SAP130: variants seen among roughly 807,000 people sequenced by gnomAD.
SAP130 encodes histone deacetylase complex subunit SAP130.
In SAP130, 16 loss-of-function variants were observed where a neutral mutation model predicts 103.2. The ratio of observed to expected loss-of-function variants is 0.16; its 90% confidence interval spans 0.10 to 0.24. The LOEUF (loss-of-function observed/expected upper bound fraction) is 0.24. SAP130 is among the 10% of genes least tolerant of loss of function. The pLI, the probability that SAP130 is intolerant of heterozygous loss-of-function variation, is 1.00. For synonymous variants in SAP130, 477 were observed against 497.0 expected, an observed-to-expected ratio of 0.96 and a Z score of 0.53; for missense variants, 990 against 1,359.7, an observed-to-expected ratio of 0.73 and a Z score of 4.28.
rs370429821 is a variant in SAP130 at position 128,014,770 on chromosome 2, T to C, written c.619+33A>G. Reference sequence around the variant, plus strand: ...CCAAATGTATATCTACTACTACATTTTGAGAGTTTGAACAAAACTTGCAAG... The same window carrying C: ...CCAAATGTATATCTACTACTACATTCTGAGAGTTTGAACAAAACTTGCAAG... On this transcript the variant is annotated intron_variant, in intron 5 of 20. Coordinates refer to ENST00000643581, the MANE Select transcript of SAP130 (RefSeq NM_001330301.2). The C allele has an allele frequency of 4.8e-6, 7 of 1,455,516 alleles. No homozygotes were observed. In the African/African-American group the frequency reaches 9.8e-5, roughly 20 times the overall value. The allele number at this position is 1,455,516 out of a possible 1,614,324, so 90.2% of individuals were successfully genotyped here. A position where few individuals can be genotyped will look rare whatever the true frequency, so the allele number is the denominator to read the frequency against.
intron 14 of SAP130, among the ~76,000 whole-genome samples, chr2:127,984,396 T>C (rs1682221483): frequency 6.6e-6 from 1 of 152,256 alleles, no homozygotes; most frequent in Non-Finnish European, 1.5e-5. Context: ...GTTTCTGTCT[T>C]CCACCGTTAG....
chr2:127,959,479 T>C (rs1314331503), intron 15 of SAP130, among the ~76,000 whole-genome samples: 2 of 152,218 alleles, frequency 1.3e-5, no homozygotes, highest in South Asian at 2.1e-4. Flanking sequence ...CCCATCCCAC[T>C]ACTCATGTGG....
At chr2:127,957,511 C>CA (rs898140717) in intron 15 of SAP130, among the ~76,000 whole-genome samples, 4 of 151,944 alleles carry the variant, frequency 2.6e-5, no homozygotes, top group Admixed American at 2.6e-4. Context: ...CCCAAAACTA[C>CA]AAAAACAGAA....
Position 128,013,019 on chromosome 2 carries a change from C to A in SAP130, c.744+11G>T, listed in dbSNP as rs760852495. 5 of 1,602,182 alleles carry A rather than the reference C, an allele frequency of 3.1e-6. No homozygotes were observed. Among genetic ancestry groups the A allele is most frequent in the South Asian group, 2.2e-5 (2 of 89,376 alleles). Reference sequence around the variant, plus strand: ...AATGAGGCCCTTAATGCACCCCAGGCTCCGACGTGCCTGGATTGGTTGGTG... The same window carrying A: ...AATGAGGCCCTTAATGCACCCCAGGATCCGACGTGCCTGGATTGGTTGGTG... On this transcript the variant is annotated intron_variant, in intron 6 of 20. Transcript: ENST00000643581.
intron 7 of SAP130, among the ~76,000 whole-genome samples, chr2:128,005,721 A>T (rs1683922294): frequency 6.7e-6 from 1 of 149,990 alleles, no homozygotes; most frequent in African/African-American, 2.5e-5. Context: ...ATCTTGGCTC[A>T]CTGCAACCTC....
chr2:127,955,893 A>C lies in SAP130; in HGVS notation c.2064-549T>G, dbSNP rs17781989. 0.076 allele frequency among the ~76,000 whole-genome samples: 11,330 copies of C among 150,010 alleles called. 506 individuals are homozygous for C. The highest frequency in any genetic ancestry group is 0.15 in the Middle Eastern group (45 of 294). ...CTGCTCCCAAGTTTTTATAAGCAGT[A>C]ATAAAATTAACTAAGAAAATAACAC... On this transcript the variant is annotated intron_variant, in intron 15 of 20. Transcript: ENST00000643581. The surrounding 1 kb of genome is among the most constrained non-coding windows in gnomAD (Gnocchi z 4.9).
At chr2:127,987,625 T>C (rs1682493628) in intron 13 of SAP130, among the ~76,000 whole-genome samples, 1 of 152,256 alleles carries the variant, frequency 6.6e-6, no homozygotes, top group African/African-American at 2.4e-5. Flanking sequence ...TTACCATCAT[T>C]GTAATTTCCA....
intron 15 of SAP130, among the ~76,000 whole-genome samples, chr2:127,968,357 C>T (rs1573687590): frequency 6.6e-6 from 1 of 151,284 alleles, no homozygotes. Flanking sequence ...GTGATCTGTC[C>T]GCATCGGCCT....
intron 15 of SAP130, among the ~76,000 whole-genome samples, chr2:127,969,400 T>C (rs1213585757): frequency 6.6e-6 from 1 of 152,258 alleles, no homozygotes; most frequent in African/African-American, 2.4e-5. Flanking sequence ...AGCATCCCTT[T>C]ACTTAATGTT....
chr2:128,022,191 T>A (rs1406091674), intron 2 of SAP130, among the ~76,000 whole-genome samples: 1 of 152,230 alleles, frequency 6.6e-6, no homozygotes, highest in African/African-American at 2.4e-5. Flanking sequence ...GAATTTCACA[T>A]AACACAATCA....
intron 2 of SAP130, among the ~76,000 whole-genome samples, chr2:128,018,376 T>C (rs1684923035): frequency 6.9e-6 from 1 of 144,750 alleles, no homozygotes; most frequent in African/African-American, 2.6e-5. Context: ...TCCCAGCTAC[T>C]TGGGAGGCTA....
intron 1 of SAP130, among the ~76,000 whole-genome samples, chr2:128,027,641 G>A (rs1440255774): frequency 4.4e-5 from 1 of 22,794 alleles, no homozygotes; most frequent in Non-Finnish European, 9.9e-5. Context: ...CCGCCCGCCC[G>A]CCCGCGCTCC....
chr2:128,000,025 A>G (rs754452375), intron 9 of SAP130, 31 bp downstream of exon 9: 2 of 1,598,504 alleles, frequency 1.3e-6, no homozygotes, highest in Non-Finnish European at 1.7e-6. Context: ...CTTTTTCCCC[A>G]GTAGAAGGAA....
intron 15 of SAP130, among the ~76,000 whole-genome samples, chr2:127,970,714 CA>C (rs1204997635): frequency 6.6e-6 from 1 of 151,196 alleles, no homozygotes; most frequent in African/African-American, 2.4e-5. Context: ...CAAAACAAAA[CA>C]AAAAAAAGAC....
intron 14 of SAP130, among the ~76,000 whole-genome samples, chr2:127,982,215 T>G (rs1559066223): frequency 6.6e-6 from 1 of 151,122 alleles, no homozygotes; most frequent in Admixed American, 6.6e-5. Context: ...CAAAGTGAGC[T>G]CAACAGAAGG....
intron 15 of SAP130, among the ~76,000 whole-genome samples, chr2:127,967,453 G>A (rs1424290591): frequency 1.3e-5 from 2 of 152,250 alleles, no homozygotes; most frequent in Non-Finnish European, 2.9e-5. Flanking sequence ...AGGCTGGAGT[G>A]CAGTGGCGCA....
rs928401698 is a variant in SAP130, at chr2:127,941,503, T to C, written c.*503A>G. The C allele has an allele frequency of 6.5e-6, 1 of 154,576 alleles. No individual in the cohort carries two copies. The highest frequency in any genetic ancestry group is 1.4e-5 in the Non-Finnish European group (1 of 69,606). 9.6% of individuals were successfully genotyped at this position (154,576 alleles called of 1,614,324 possible). On this transcript the variant is annotated 3_prime_UTR_variant, in exon 21 of 21. Coordinates refer to ENST00000643581, the MANE Select transcript of SAP130 (RefSeq NM_001330301.2). Reference sequence around the variant, plus strand: ...TAGAGTGTGAGATGTGGCAGCTCGCTTGGTGCCGTGGCACTGCTGTAAAAG... The same window carrying C: ...TAGAGTGTGAGATGTGGCAGCTCGCCTGGTGCCGTGGCACTGCTGTAAAAG...
At chr2:127,998,439 C>T (rs375597104) in intron 10 of SAP130, among the ~76,000 whole-genome samples, 2 of 152,156 alleles carry the variant, frequency 1.3e-5, no homozygotes, top group African/African-American at 4.8e-5. Context: ...GGCAAGCTCA[C>T]TTGGAAAAAG....
intron 15 of SAP130, among the ~76,000 whole-genome samples, chr2:127,972,123 T>G (rs142488037): frequency 6.6e-6 from 1 of 152,096 alleles, no homozygotes; most frequent in Admixed American, 6.6e-5. Context: ...TGAGTGCCTG[T>G]GTGGGCCCTA....
Sources: gnomAD v4.1 joint callset for allele counts (sites outside exome capture counted in the v4.1 genomes callset) on GRCh38, gnomAD v4.1.1 for gene constraint, Gnocchi (gnomAD v3.1) non-coding constraint, MANE v1.5 for transcripts, NCBI Gene and HGNC (gene_info 2026-07-23, HGNC 2026-07-21) for gene names.